Variants in EPGN observed in about 807,000 individuals in gnomAD.
The protein encoded by EPGN is epithelial mitogen, also known as epigen.
In EPGN, 21 loss-of-function variants were observed where a neutral mutation model predicts 20.7. The observed-to-expected ratio is 1.01, with a 90% CI of 0.72 to 1.46. The LOEUF is 1.46. Ranked by LOEUF, EPGN falls within the 40% of genes most tolerant of loss-of-function variation. The pLI, the probability that EPGN is intolerant of heterozygous loss-of-function variation, is 0.00. For synonymous variants in EPGN, 69 were observed against 63.8 expected (o/e 1.08, Z -0.39); for missense variants, 199 against 180.7 (o/e 1.10, Z -0.58).
intron 4 of EPGN, chr4:74,314,312 A>C: frequency 3.6e-6 from 2 of 552,616 alleles, no homozygotes; most frequent in Non-Finnish European, 6.6e-6. Flanking sequence ...TTATTCAATC[A>C]TGGATTCATG....
intron 4 of EPGN, chr4:74,313,497 G>C: frequency 8.5e-7 from 1 of 1,171,416 alleles, no homozygotes; most frequent in Non-Finnish European, 1.1e-6. Flanking sequence ...GTTCAAAATT[G>C]TATATTCAGT....
rs1751295316 is a variant in EPGN at position 74,316,727 on chromosome 4, G to A, written c.*2090G>A. Among the ~76,000 whole-genome samples the A allele has an allele frequency of 6.6e-6, 1 of 152,062 alleles. No individual in the cohort carries two copies. Among genetic ancestry groups the A allele is most frequent in the Admixed American group, 6.5e-5 (1 of 15,270 alleles). The stretch of plus-strand genomic sequence containing the variant: ...GATGTAAAAGAGCTGGGGAGAGTAT[G>A]GGAAGAAACAATACAGGATTGCCTT... On this transcript the variant is annotated 3_prime_UTR_variant, in exon 5 of 5. Transcript: ENST00000413830.
chr4:74,312,340 G>C, intron 3 of EPGN, 35 bp downstream of exon 3: 2 of 1,591,968 alleles, frequency 1.3e-6, no homozygotes, highest in Non-Finnish European at 1.7e-6. Flanking sequence ...CCTAGAGACA[G>C]GAGATGAGTT....
rs111868078 is a variant in EPGN at position 74,316,061 on chromosome 4, C to T, written c.*1424C>T. Among the ~76,000 whole-genome samples the T allele has an allele frequency of 2.5e-3, 386 of 151,938 alleles. 1 individual carries two copies. The highest frequency in any genetic ancestry group is 8.3e-3 in the African/African-American group (344 of 41,454). On this transcript the variant is annotated 3_prime_UTR_variant, in exon 5 of 5. Transcript: ENST00000413830. Reference sequence around the variant, plus strand: ...TTTATTTGTGCTTTTGTTTCATCTTCTACAAGGCCCTCTTAGCTCTAAAAC... The same window carrying T: ...TTTATTTGTGCTTTTGTTTCATCTTTTACAAGGCCCTCTTAGCTCTAAAAC...
Position 74,312,300 on chromosome 4 carries a change from C to G in EPGN, c.249C>G (p.Ile83Met). Residue 83 changes from isoleucine (I) to methionine (M), a missense_variant, in exon 3 of 5, where the codon ATC becomes ATG. Coordinates refer to ENST00000413830, the MANE Select transcript of EPGN (RefSeq NM_001270989.2). Reference sequence around the variant, plus strand: ...TCCACCATGAGCTAGAGAAAGCCATCTGCAGGTAAATGCAAAGAAATATCC... The same window carrying G: ...TCCACCATGAGCTAGAGAAAGCCATGTGCAGGTAAATGCAAAGAAATATCC... ...CAFHHELEKA[I>M]CRCFTGYTGE... The G allele has an allele frequency of 1.2e-6, 2 of 1,608,676 alleles. No individual in the cohort carries two copies. Among genetic ancestry groups the G allele is most frequent in the Non-Finnish European group, 1.7e-6 (2 of 1,178,338 alleles).
At chr4:74,313,285 G>C (rs1197072606) in intron 4 of EPGN, 115 bp downstream of exon 4, 3 of 1,420,164 alleles carry the variant, frequency 2.1e-6, no homozygotes, top group Non-Finnish European at 2.7e-6. Flanking sequence ...TTAAAAAAGA[G>C]CTGTAATCTG....
intron 4 of EPGN, chr4:74,314,249 G>A (rs1025868131): frequency 7.4e-5 from 37 of 503,198 alleles, no homozygotes; most frequent in Non-Finnish European, 1.4e-4. Context: ...AATGTGAATA[G>A]CAGTGTAGAC....
chr4:74,312,194 T>C lies in EPGN; in HGVS notation c.143T>C (p.Ile48Thr), dbSNP rs201278786. ...WTVNKTEADN[I>T]EGPIALKFSH... ...TATCTCCTTTTCCTAGCTGACAACA[T>C]AGAAGGACCCATAGCCTTGAAGTTC... Residue 48 changes from isoleucine to threonine, a missense_variant, in exon 3 of 5, where the codon ATA becomes ACA. Physicochemically the swap from Ile to Thr is moderately conservative, Grantham distance 89. Coordinates refer to ENST00000413830, the MANE Select transcript of EPGN (RefSeq NM_001270989.2). 2.9e-5 allele frequency: 47 copies of C among 1,605,620 alleles called. No individual in the cohort carries two copies. Among genetic ancestry groups the C allele is most frequent in the Non-Finnish European group, 3.2e-5 (38 of 1,177,084 alleles).
In EPGN at chr4:74,308,988, TA is replaced by T. The variant is rs1750714124; in HGVS notation, c.44-98del. ...GTTATGGATTTCAACTGTAATAAAT[TA>T]AAAAAATAGAAATTGGAATAAACAG... On this transcript the variant is annotated intron_variant, in intron 1 of 4. Coordinates refer to ENST00000413830, the MANE Select transcript of EPGN (RefSeq NM_001270989.2). The T allele has an allele frequency of 4.5e-5, 39 of 864,232 alleles. No homozygotes were observed. In the South Asian group the frequency reaches 6.0e-4, roughly 13 times the overall value. 53.5% of individuals were successfully genotyped at this position (864,232 alleles called of 1,614,324 possible). A position where few individuals can be genotyped will look rare whatever the true frequency, so the allele number is the denominator to read the frequency against.
chr4:74,312,872 C>A, intron 3 of EPGN, 146 bp from the exon 4 acceptor site: 1 of 672,092 alleles, frequency 1.5e-6, no homozygotes, highest in Non-Finnish European at 2.4e-6. Context: ...TGCTTCATTG[C>A]CCGTAACAGA....
In EPGN at chr4:74,313,006, C is replaced by CT. The variant is rs1173795265; in HGVS notation, c.255-5dup. ...TAGGTTTTAAAATTAAACTTTTTTT[C>CT]TTTTTTTAAAGGTGTTTTACTGGTT... On this transcript the variant is annotated splice_polypyrimidine_tract_variant and intron_variant, in intron 3 of 4. Transcript: ENST00000413830. 3.2e-6 allele frequency: 5 copies of CT among 1,566,402 alleles called. No homozygotes were observed. The African/African-American group carries it at 5.6e-5, about 18-fold the overall frequency.
Position 74,312,234 on chromosome 4 carries a change from G to T in EPGN, c.183G>T (p.Leu61=). The change falls in exon 3 of 5, where the codon CTG becomes CTT. Residue 61 remains leucine, a synonymous_variant. Transcript: ENST00000413830. Reference sequence around the variant, plus strand: ...CCTTGAAGTTCTCACACCTTTGCCTGGAAGATCATAACAGTTACTGCATCA... The same window carrying T: ...CCTTGAAGTTCTCACACCTTTGCCTTGAAGATCATAACAGTTACTGCATCA... The part of the protein sequence containing the change: ...PIALKFSHLC[L]EDHNSYCING... The T allele has an allele frequency of 2.5e-6, 4 of 1,613,250 alleles. No individual in the cohort carries two copies. In the South Asian group the frequency reaches 4.4e-5, roughly 18 times the overall value.
Position 74,308,655 on chromosome 4 carries a change from G to A in EPGN, c.43+79G>A, listed in dbSNP as rs1348965436. 7.1e-6 allele frequency: 9 copies of A among 1,264,300 alleles called. No homozygotes were observed. In the Admixed American group the frequency reaches 1.8e-4, roughly 26 times the overall value. The allele number at this position is 1,264,300 out of a possible 1,614,324, so 78.3% of individuals were successfully genotyped here. A position where few individuals can be genotyped will look rare whatever the true frequency, so the allele number is the denominator to read the frequency against. ...GAATTTATTTTCTCTGCATTAGAGA[G>A]AAGTTGGCTTCTAACAGTTGTTCTT... On this transcript the variant is annotated intron_variant, in intron 1 of 4. Transcript: ENST00000413830.
chr4:74,314,121 T>C, intron 4 of EPGN: 2 of 456,752 alleles, frequency 4.4e-6, no homozygotes, highest in Non-Finnish European at 8.8e-6. Context: ...ACTCTACCTT[T>C]ATTTTAGGTG....
At chr4:74,310,461 CAAAAA>C (rs10586282) in intron 2 of EPGN, among the ~76,000 whole-genome samples, 2,179 of 43,032 alleles carry the variant, frequency 0.051, 64 homozygotes, top group Admixed American at 0.22. Context: ...GAGTCCGTCT[CAAAAA>C]AAAAAAAAAA....
Position 74,309,105 on chromosome 4 carries a change from T to A in EPGN, c.56T>A (p.Leu19Gln). 1 of 1,613,160 alleles carries A rather than the reference T, an allele frequency of 6.2e-7. No individual in the cohort carries two copies. Among genetic ancestry groups the A allele is most frequent in the Non-Finnish European group, 8.5e-7 (1 of 1,179,354 alleles). ...VYLLFNAMTA[L>Q]TEEAAVTVTP... ...CCCCTTAATACAGCAATGACAGCACTGACCGAAGAGGCAGCCGTGACTGTA... is the reference window on the plus strand; with the variant it reads ...CCCCTTAATACAGCAATGACAGCACAGACCGAAGAGGCAGCCGTGACTGTA... Residue 19 changes from leucine (L) to glutamine (Q), a missense_variant, in exon 2 of 5, where the codon CTG becomes CAG. By Grantham distance (113) the Leu-to-Gln change is moderately radical. Transcript: ENST00000413830.
intron 2 of EPGN, among the ~76,000 whole-genome samples, chr4:74,311,374 G>A (rs773733006): frequency 3.3e-5 from 5 of 152,026 alleles, no homozygotes; most frequent in African/African-American, 4.8e-5. Context: ...CCAAAATAAA[G>A]TAATACAACA....
intron 4 of EPGN, 165 bp downstream of exon 4, chr4:74,313,335 A>G (rs1268055857): frequency 7.1e-7 from 1 of 1,406,240 alleles, no homozygotes; most frequent in Non-Finnish European, 9.1e-7. Context: ...GCCTTTTCTC[A>G]TAAACCCAGA....
At chr4:74,312,831 G>A (rs1304171658) in intron 3 of EPGN, among the ~76,000 whole-genome samples, 187 bp from the exon 4 acceptor site, 3 of 152,010 alleles carry the variant, frequency 2.0e-5, no homozygotes, top group Non-Finnish European at 4.4e-5. Flanking sequence ...GGAAAATATG[G>A]GGCCTTAATG....
Sources: allele counts gnomAD v4.1 joint callset (sites outside exome capture counted in the v4.1 genomes callset), GRCh38; gene constraint gnomAD v4.1.1; transcripts MANE v1.5; gene names NCBI Gene and HGNC (gene_info 2026-07-23, HGNC 2026-07-21).